The following LTBP1 variants were observed in gnomAD, a reference collection of about 807,000 sequenced individuals.
LTBP1 encodes the protein latent transforming growth factor beta binding protein 1.
A neutral mutation model predicts 207.6 loss-of-function variants in LTBP1; 129 were observed. The ratio of observed to expected loss-of-function variants is 0.62; its 90% CI spans 0.54 to 0.72. The LOEUF is 0.72. LTBP1 is among the 30% of genes least tolerant of loss of function. The pLI, the probability that LTBP1 is intolerant of heterozygous loss-of-function variation, is 0.00. For synonymous variants in LTBP1, 963 were observed against 833.7 expected (o/e 1.16, Z -2.67); for missense variants, 2,281 against 2,217.2 (o/e 1.03, Z -0.58).
intron 4 of LTBP1, among the ~76,000 whole-genome samples, chr2:33,128,537 G>T (rs575474044): frequency 5.3e-5 from 8 of 152,318 alleles, no homozygotes; most frequent in African/African-American, 1.9e-4. Flanking sequence ...GCGAAGACTG[G>T]CATAGAATCT....
At chr2:33,280,894 C>G (rs918761916) in intron 19 of LTBP1, among the ~76,000 whole-genome samples, 1 of 152,100 alleles carries the variant, frequency 6.6e-6, no homozygotes, top group African/African-American at 2.4e-5. Flanking sequence ...CATAGCAAGA[C>G]CTCATCTCTA....
At chr2:33,353,827 G>C (rs1253720069) in intron 26 of LTBP1, among the ~76,000 whole-genome samples, 2 of 150,808 alleles carry the variant, frequency 1.3e-5, no homozygotes, top group Non-Finnish European at 2.9e-5. Context: ...TCCCTTCCTA[G>C]AGAGGTACAC....
At chr2:33,243,904 A>T (rs898522687) in intron 10 of LTBP1, 120 bp downstream of exon 10, 1 of 1,151,898 alleles carries the variant, frequency 8.7e-7, no homozygotes, top group Non-Finnish European at 1.2e-6. Context: ...AACCTCATTA[A>T]TTAAAATAAC....
chr2:33,320,195 C>G (rs1373934413), intron 24 of LTBP1, among the ~76,000 whole-genome samples: 1 of 151,972 alleles, frequency 6.6e-6, no homozygotes, highest in Non-Finnish European at 1.5e-5. Flanking sequence ...ATGGTGAAAC[C>G]CTGTCTCTAC....
intron 5 of LTBP1, among the ~76,000 whole-genome samples, chr2:33,135,574 C>T (rs1477417177): frequency 6.7e-6 from 1 of 148,702 alleles, no homozygotes; most frequent in Non-Finnish European, 1.5e-5. Context: ...TCCTTTTTTA[C>T]GTGGATTTGG....
intron 3 of LTBP1, among the ~76,000 whole-genome samples, chr2:33,065,748 A>G (rs1432182111): frequency 6.6e-6 from 1 of 152,202 alleles, no homozygotes; most frequent in Non-Finnish European, 1.5e-5. Context: ...TTCTTCCTGT[A>G]TACTTTGAAG....
rs557108713 is a variant in LTBP1, at chr2:33,179,682, G to T, written c.1202-7174G>T. On this transcript the variant is annotated intron_variant, in intron 5 of 33. Transcript: ENST00000404816. ...GAAATTTAATTAGAATCTGGCTAAT[G>T]GGTTATTTAAAAATGTAAAATAAGG... Among the ~76,000 whole-genome samples the T allele has an allele frequency of 2.0e-5, 3 of 152,038 alleles. No homozygotes were observed. In the South Asian group the frequency reaches 6.2e-4, roughly 32 times the overall value.
At chr2:33,061,943 G>A (rs1297197276) in intron 3 of LTBP1, among the ~76,000 whole-genome samples, 1 of 152,018 alleles carries the variant, frequency 6.6e-6, no homozygotes, top group Admixed American at 6.6e-5. Flanking sequence ...GAAAGTTCTG[G>A]TTGCACCACA....
rs370387447 is a variant in LTBP1 at position 33,363,511 on chromosome 2, G to A, written c.4392G>A (p.Gln1464=). 6.1e-5 allele frequency: 99 copies of A among 1,613,656 alleles called. No individual in the cohort carries two copies. Among genetic ancestry groups the A allele is most frequent in the East Asian group, 2.5e-4 (11 of 44,868 alleles). Residue 1464 remains glutamine, a synonymous_variant, in exon 29 of 34, where the codon CAG becomes CAA. Coordinates refer to ENST00000404816, the MANE Select transcript of LTBP1 (RefSeq NM_206943.4). ...QGTYYDPVKL[Q]CFDMDECQDP... The stretch of plus-strand genomic sequence containing the variant: ...CGTACTATGATCCTGTGAAACTGCA[G>A]TGCTTTGGTAAGCTTTAGGGGGATA...
Position 33,243,656 on chromosome 2 carries a change from C to T in LTBP1, c.1877-6C>T, listed in dbSNP as rs370821115. Reference sequence around the variant, plus strand: ...GCTCCTTCTAAAGAATTGTGTTTTCCTGCAGATATTAATGAATGTCAGCTA... The same window carrying T: ...GCTCCTTCTAAAGAATTGTGTTTTCTTGCAGATATTAATGAATGTCAGCTA... On this transcript the variant is annotated splice_polypyrimidine_tract_variant and splice_region_variant and intron_variant, in intron 9 of 33. Coordinates refer to ENST00000404816, the MANE Select transcript of LTBP1 (RefSeq NM_206943.4). The T allele has an allele frequency of 7.7e-5, 124 of 1,613,288 alleles. No homozygotes were observed. In the African/African-American group the frequency reaches 1.6e-3, roughly 20 times the overall value.
At chr2:33,338,167 C>T (rs1239058109) in intron 24 of LTBP1, among the ~76,000 whole-genome samples, 1 of 152,072 alleles carries the variant, frequency 6.6e-6, no homozygotes, top group Non-Finnish European at 1.5e-5. Flanking sequence ...AGCTAGTTTC[C>T]AGCAGGCATT....
At chr2:32,963,507 G>C (rs921456814) in intron 2 of LTBP1, among the ~76,000 whole-genome samples, 2 of 152,012 alleles carry the variant, frequency 1.3e-5, no homozygotes. Context: ...CACTGCACCT[G>C]ACCACCATGC....
At position 32,947,575 on chromosome 2, in the gene LTBP1, C is replaced by A; in HGVS notation, c.251C>A (p.Thr84Asn). The A allele has an allele frequency of 7.5e-7, 1 of 1,328,598 alleles. No individual in the cohort carries two copies. The allele number at this position is 1,328,598 out of a possible 1,614,324, so 82.3% of individuals were successfully genotyped here. A position where few individuals can be genotyped will look rare whatever the true frequency, so the allele number is the denominator to read the frequency against. ...RASPGVPSER[T>N]RRTSKPGGAA... The stretch of plus-strand genomic sequence containing the variant: ...TCCCCCGGGGTCCCCTCGGAGAGGA[C>A]CCGGCGCACGAGCAAGCCGGGCGGC... Residue 84 changes from threonine (T) to asparagine (N), a missense_variant, in exon 1 of 34, where the codon ACC (threonine) becomes AAC (asparagine). This residue lies in a region of LTBP1 where 555 missense variants were observed against 491.0 expected (regional missense o/e 1.13). Transcript: ENST00000404816.
At chr2:33,205,698 A>G (rs986375596) in intron 7 of LTBP1, among the ~76,000 whole-genome samples, 15 of 152,122 alleles carry the variant, frequency 9.9e-5, no homozygotes, top group African/African-American at 2.2e-4. Flanking sequence ...TATTAGTGCT[A>G]TTGATGGAAT....
chr2:33,265,913 C>T (rs1315684437), intron 15 of LTBP1, among the ~76,000 whole-genome samples: 4 of 152,076 alleles, frequency 2.6e-5, no homozygotes, highest in African/African-American at 9.7e-5. Flanking sequence ...TAGAATATTC[C>T]CTCCTCAGAA....
At chr2:33,153,272 C>G (rs1212035502) in intron 5 of LTBP1, among the ~76,000 whole-genome samples, 1 of 152,112 alleles carries the variant, frequency 6.6e-6, no homozygotes, top group African/African-American at 2.4e-5. Flanking sequence ...AAGTTAAGGC[C>G]TGAAAGATTT....
chr2:33,217,600 A>T lies in LTBP1; in HGVS notation c.1750A>T (p.Thr584Ser). ...GLSKQEDCCG[T>S]VGTSWGFNKC... Reference sequence around the variant, plus strand: ...TTCAAAGCAAGAGGACTGCTGTGGAACTGTGGGTACCTCCTGGGGCTTTAA... The same window carrying T: ...TTCAAAGCAAGAGGACTGCTGTGGATCTGTGGGTACCTCCTGGGGCTTTAA... Residue 584 changes from threonine (T) to serine (S), a missense_variant, in exon 8 of 34, where the codon ACT (threonine) becomes TCT (serine). Thr to Ser is a moderately conservative substitution (Grantham distance 58). Coordinates refer to ENST00000404816, the MANE Select transcript of LTBP1 (RefSeq NM_206943.4). 1 of 1,613,960 alleles carries T rather than the reference A, an allele frequency of 6.2e-7. No individual in the cohort carries two copies.
At chr2:33,158,819 G>A (rs567450446) in intron 5 of LTBP1, among the ~76,000 whole-genome samples, 179 of 152,210 alleles carry the variant, frequency 1.2e-3, no homozygotes, top group African/African-American at 4.0e-3. Flanking sequence ...CCCTAACCCC[G>A]ATCCTTTAAA....
At chr2:33,145,637 C>T (rs2150872284) in intron 5 of LTBP1, among the ~76,000 whole-genome samples, 1 of 152,136 alleles carries the variant, frequency 6.6e-6, no homozygotes, top group East Asian at 1.9e-4. Flanking sequence ...GTATTAATAA[C>T]ATCTTGAGCC....
Sources: allele counts gnomAD v4.1 joint callset (sites outside exome capture counted in the v4.1 genomes callset), GRCh38; gene constraint gnomAD v4.1.1; regional missense constraint gnomAD v4.1.1; transcripts MANE v1.5; gene names NCBI Gene and HGNC (gene_info 2026-07-23, HGNC 2026-07-21).